Variants in ST3GAL5 observed in about 807,000 individuals in gnomAD.
ST3GAL5 encodes lactosylceramide alpha-2,3-sialyltransferase.
A neutral mutation model predicts 46.1 loss-of-function variants in ST3GAL5; 25 were observed. The ratio of observed to expected loss-of-function variants is 0.54; its 90% CI spans 0.40 to 0.76. The LOEUF (loss-of-function observed/expected upper bound fraction) is 0.76. Among genes scored for constraint, ST3GAL5 ranks in the 30% least tolerant of loss-of-function variants. The probability of loss-of-function intolerance (pLI) is 0.00; values close to 1 mark genes in which losing one functional copy is unlikely to be tolerated. For missense variants in ST3GAL5, 431 were observed against 521.2 expected (o/e 0.83, Z 1.69); for synonymous variants, 182 against 192.7 (o/e 0.94, Z 0.46).
At chr2:85,867,604 C>G in intron 1 of ST3GAL5, 1 of 780,938 alleles carries the variant, frequency 1.3e-6, no homozygotes, top group Non-Finnish European at 2.4e-6. Context: ...TGGGGACTTA[C>G]GAACAGAAGC....
intron 1 of ST3GAL5, chr2:85,870,152 A>G (rs764237661): frequency 8.6e-6 from 4 of 466,996 alleles, no homozygotes; most frequent in East Asian, 7.0e-5. Context: ...GTGATTCTTC[A>G]TAAGTTTTTT....
In ST3GAL5 at chr2:85,848,079, G is replaced by A; in HGVS notation, c.444C>T (p.Ala148=). The change falls in exon 4 of 7, where the codon GCC becomes GCT. Residue 148 remains alanine, a synonymous_variant. Coordinates refer to ENST00000638572, the MANE Select transcript of ST3GAL5 (RefSeq NM_003896.4). ...TGGACTCAGCTTCACTGTCTTTGGG[G>A]GCCTTCTGCACAAAAGGGAGTAAGT... The part of the protein sequence containing the change: ...SVDLLPFVQK[A]PKDSEAESKY... 1 of 1,614,096 alleles carries A rather than the reference G, an allele frequency of 6.2e-7. No homozygotes were observed. Among genetic ancestry groups the A allele is most frequent in the South Asian group, 1.1e-5 (1 of 91,074 alleles).
At chr2:85,847,277 G>A (rs1334993530) in intron 4 of ST3GAL5, 2 of 759,206 alleles carry the variant, frequency 2.6e-6, no homozygotes, top group East Asian at 1.3e-4. Context: ...GTCTCTTGCT[G>A]TGTCCTCTTC....
rs755883920 is a variant in ST3GAL5, at chr2:85,840,412, AC to A, written c.1009-21del. On this transcript the variant is annotated intron_variant, in intron 6 of 6. Transcript: ENST00000638572. Reference sequence around the variant, plus strand: ...GACGTTCTGAGAAAGGGAAAAGAAGACCAAAAAGTAAAAAAAAATTTTGGCA... The same window carrying A: ...GACGTTCTGAGAAAGGGAAAAGAAGACAAAAAGTAAAAAAAAATTTTGGCA... 1.2e-6 allele frequency: 2 copies of A among 1,613,632 alleles called. No individual in the cohort carries two copies. Among genetic ancestry groups the A allele is most frequent in the South Asian group, 2.2e-5 (2 of 90,990 alleles).
chr2:85,872,583 T>G (rs1450192390), intron 1 of ST3GAL5, among the ~76,000 whole-genome samples: 1 of 84,736 alleles, frequency 1.2e-5, no homozygotes, highest in Non-Finnish European at 2.4e-5. Flanking sequence ...AAGCTCCATC[T>G]CAAAAAAAAA....
At chr2:85,874,439 A>C (rs1268901347) in intron 1 of ST3GAL5, among the ~76,000 whole-genome samples, 1 of 152,012 alleles carries the variant, frequency 6.6e-6, no homozygotes, top group African/African-American at 2.4e-5. Flanking sequence ...TCCTCACTCC[A>C]TGTCAACCAA....
At chr2:85,874,052 A>T (rs1216028345) in intron 1 of ST3GAL5, among the ~76,000 whole-genome samples, 1 of 152,222 alleles carries the variant, frequency 6.6e-6, no homozygotes, top group East Asian at 1.9e-4. Context: ...GAGCAGAGTT[A>T]TGAGGACCTA....
chr2:85,844,650 G>C (rs1438111138), intron 5 of ST3GAL5, 96 bp from the exon 6 acceptor site: 56 of 1,543,256 alleles, frequency 3.6e-5, no homozygotes, highest in Non-Finnish European at 4.7e-5. Flanking sequence ...GTGACCCCAT[G>C]TGGCCCTGTG....
At chr2:85,889,017 GC>G (rs1431063322), upstream of ST3GAL5, 2 of 788,726 alleles carry the variant, frequency 2.5e-6, no homozygotes, top group African/African-American at 3.7e-5. Context: ...CCGCTCAGAT[GC>G]GGAGGAGGGG....
At chr2:85,871,131 G>A (rs57178127) in intron 1 of ST3GAL5, among the ~76,000 whole-genome samples, 9,679 of 150,670 alleles carry the variant, frequency 0.064, 363 homozygotes, top group East Asian at 0.12. Context: ...TTGACCTCCC[G>A]GCTCAAGCAA....
chr2:85,867,739 C>T, intron 1 of ST3GAL5: 1 of 747,738 alleles, frequency 1.3e-6, no homozygotes, highest in Non-Finnish European at 2.5e-6. Context: ...GACATCCAAC[C>T]CTCAGGAAAA....
rs531951876 is a variant in ST3GAL5, at chr2:85,888,988, G to T, written c.-83C>A. 1.0e-5 allele frequency: 11 copies of T among 1,067,342 alleles called. No homozygotes were observed. In the Admixed American group the frequency reaches 3.6e-4, roughly 35 times the overall value. 66.1% of individuals were successfully genotyped at this position (1,067,342 alleles called of 1,614,324 possible). A position where few individuals can be genotyped will look rare whatever the true frequency, so the allele number is the denominator to read the frequency against. ...CCAGCGCCGCTCTCGCGCCCATTCA[G>T]CTGGGGGCCGCCGCTCCCCCGCTCA... On this transcript the variant is annotated 5_prime_UTR_variant, in exon 1 of 7. It adds an upstream start codon to the 5' untranslated region. Coordinates refer to ENST00000638572, the MANE Select transcript of ST3GAL5 (RefSeq NM_003896.4).
Position 85,884,704 on chromosome 2 carries a change from G to A in ST3GAL5, c.82+4120C>T, listed in dbSNP as rs79324391. Among the ~76,000 whole-genome samples the A allele has an allele frequency of 5.1e-3, 784 of 152,288 alleles. 7 individuals carry two copies. The highest frequency in any genetic ancestry group is 0.017 in the African/African-American group (718 of 41,546). On this transcript the variant is annotated intron_variant, in intron 1 of 6. Transcript: ENST00000638572. The stretch of plus-strand genomic sequence containing the variant: ...TAAGATGTTTATGAAAAGCAAAAAG[G>A]GGGTGAAGAACAGGGCAGAAGAGGA...
intron 6 of ST3GAL5, among the ~76,000 whole-genome samples, chr2:85,844,067 G>A (rs1682466933): frequency 6.6e-6 from 1 of 152,150 alleles, no homozygotes; most frequent in African/African-American, 2.4e-5. Context: ...AAAATAAAAT[G>A]TAAATAACTT....
chr2:85,845,074 C>A, intron 5 of ST3GAL5: 1 of 210,412 alleles, frequency 4.8e-6, no homozygotes. Flanking sequence ...ATGGAGTTTA[C>A]GTGAAAAGTT....
At chr2:85,859,982 T>C (rs1015905576) in intron 3 of ST3GAL5, among the ~76,000 whole-genome samples, 5 of 151,948 alleles carry the variant, frequency 3.3e-5, no homozygotes, top group Admixed American at 1.3e-4. Context: ...GAGAGCAGAG[T>C]GGTCAGGAGC....
At chr2:85,872,104 C>T (rs1473568837) in intron 1 of ST3GAL5, among the ~76,000 whole-genome samples, 1 of 152,114 alleles carries the variant, frequency 6.6e-6, no homozygotes, top group Non-Finnish European at 1.5e-5. Flanking sequence ...GAGGGGAGCC[C>T]GAGGCCTACC....
At chr2:85,885,806 C>T (rs1367332979) in intron 1 of ST3GAL5, among the ~76,000 whole-genome samples, 6 of 147,970 alleles carry the variant, frequency 4.1e-5, no homozygotes, top group African/African-American at 7.5e-5. Flanking sequence ...GCCTGGGCGA[C>T]GGCGAGACTC....
chr2:85,886,698 G>A (rs1448053926), intron 1 of ST3GAL5, among the ~76,000 whole-genome samples: 3 of 151,914 alleles, frequency 2.0e-5, no homozygotes, highest in African/African-American at 4.8e-5. Flanking sequence ...GCTGTCTCCC[G>A]GGCGAGCCTG....
Sources: gnomAD v4.1 joint callset for allele counts (sites outside exome capture counted in the v4.1 genomes callset) on GRCh38, gnomAD v4.1.1 for gene constraint, MANE v1.5 for transcripts, NCBI Gene and HGNC (gene_info 2026-07-23, HGNC 2026-07-21) for gene names.